RBM47: variants seen among roughly 807,000 people sequenced by gnomAD.
The protein encoded by RBM47 is RNA binding motif protein 47.
RBM47 carries 21 observed loss-of-function variants against 47.1 expected under a neutral mutation model. That is an observed-to-expected ratio of 0.45 (90% CI 0.32 to 0.64). The LOEUF (loss-of-function observed/expected upper bound fraction) is 0.64. Ranked by LOEUF, RBM47 falls within the 30% of genes least tolerant of loss-of-function variation. RBM47 has a pLI of 0.05. For missense variants in RBM47, 708 were observed against 870.9 expected (o/e 0.81, Z 2.35); for synonymous variants, 375 against 361.7 (o/e 1.04, Z -0.42).
intron 1 of RBM47, among the ~76,000 whole-genome samples, chr4:40,609,069 C>T (rs564411771): frequency 6.6e-6 from 1 of 152,284 alleles, no homozygotes; most frequent in South Asian, 2.1e-4. Context: ...TCTCAGCTCA[C>T]TGCAGCTCCG....
At chr4:40,510,508 TA>T (rs559932766) in intron 2 of RBM47, among the ~76,000 whole-genome samples, 155 of 152,234 alleles carry the variant, frequency 1.0e-3, no homozygotes, top group Admixed American at 5.8e-3. Flanking sequence ...GAGGCAAGCA[TA>T]AAACAAATAC....
At chr4:40,613,039 C>T (rs906252389) in intron 1 of RBM47, among the ~76,000 whole-genome samples, 4 of 152,298 alleles carry the variant, frequency 2.6e-5, no homozygotes, top group South Asian at 2.1e-4. Context: ...GCCTGGTACA[C>T]GGAGCTCATT....
In RBM47 at chr4:40,546,618, G is replaced by A. The variant is rs1729061852; in HGVS notation, c.-239-2112C>T. ...CTGCAGTCCAGCTCAGTAATCATTT[G>A]TTCCAAAGTTCTTCCCAATGCAATG... On this transcript the variant is annotated intron_variant, in intron 1 of 6. Coordinates refer to ENST00000295971, the MANE Select transcript of RBM47 (RefSeq NM_001098634.2). Among the ~76,000 whole-genome samples the A allele has an allele frequency of 2.6e-5, 4 of 152,162 alleles. No individual in the cohort carries two copies. The South Asian group carries it at 8.3e-4, about 31-fold the overall frequency.
chr4:40,486,680 G>C (rs754398155), intron 2 of RBM47, among the ~76,000 whole-genome samples: 1 of 152,196 alleles, frequency 6.6e-6, no homozygotes, highest in Non-Finnish European at 1.5e-5. Context: ...AGGATCTTTA[G>C]AGGAAATGGG....
chr4:40,610,956 T>G (rs757270871), intron 1 of RBM47, among the ~76,000 whole-genome samples: 7 of 152,156 alleles, frequency 4.6e-5, no homozygotes, highest in African/African-American at 1.7e-4. Flanking sequence ...TAAGTCCAAT[T>G]AAACCTTTTT....
At chr4:40,463,200 T>C (rs1456139212) in intron 3 of RBM47, among the ~76,000 whole-genome samples, 2 of 152,172 alleles carry the variant, frequency 1.3e-5, no homozygotes, top group African/African-American at 4.8e-5. Flanking sequence ...ATTATACATC[T>C]GCATTACACA....
In RBM47 at chr4:40,601,090, C is replaced by T. The variant is rs74367552; in HGVS notation, c.-240+28306G>A. On this transcript the variant is annotated intron_variant, in intron 1 of 6. Transcript: ENST00000295971. ...ACGGAAATGATGATGTAACCATCAC[C>T]GTAAGAATTCAAGGCCAGGACGGAA... is the stretch of plus-strand genomic sequence containing the variant. Among the ~76,000 whole-genome samples the T allele has an allele frequency of 1.4e-4, 22 of 151,928 alleles. No individual in the cohort carries two copies. In the East Asian group the frequency reaches 3.9e-3, roughly 27 times the overall value.
chr4:40,480,083 T>C (rs1023665184), intron 2 of RBM47, among the ~76,000 whole-genome samples: 8 of 150,910 alleles, frequency 5.3e-5, no homozygotes, highest in African/African-American at 2.0e-4. Context: ...GTTCAAGTGA[T>C]TCTCCTGCCT....
chr4:40,459,631 G>T (rs1452437406), intron 3 of RBM47, among the ~76,000 whole-genome samples: 1 of 152,052 alleles, frequency 6.6e-6, no homozygotes, highest in Non-Finnish European at 1.5e-5. Flanking sequence ...ATAGAACTGG[G>T]TACAAATAGT....
intron 2 of RBM47, among the ~76,000 whole-genome samples, chr4:40,507,546 T>A (rs1724280958): frequency 6.6e-6 from 1 of 152,152 alleles, no homozygotes; most frequent in East Asian, 1.9e-4. Context: ...CCCAACACTT[T>A]GGGAGGCCGA....
Position 40,615,855 on chromosome 4 carries a change from T to G in RBM47, c.-240+13541A>C, listed in dbSNP as rs372529356. Among the ~76,000 whole-genome samples, 3 of 152,280 alleles carry G rather than the reference T, an allele frequency of 2.0e-5. No individual in the cohort carries two copies. The South Asian group carries it at 6.2e-4, about 32-fold the overall frequency. ...TCCTTTTGGAAACTGAACCATCTTATGCAAAACGAATAACCACACCATCTG... is the reference window on the plus strand; with the variant it reads ...TCCTTTTGGAAACTGAACCATCTTAGGCAAAACGAATAACCACACCATCTG... On this transcript the variant is annotated intron_variant, in intron 1 of 6. Coordinates refer to ENST00000295971, the MANE Select transcript of RBM47 (RefSeq NM_001098634.2).
At chr4:40,437,609 G>C (rs1218975520) in intron 4 of RBM47, among the ~76,000 whole-genome samples, 162 bp downstream of exon 4, 1 of 152,164 alleles carries the variant, frequency 6.6e-6, no homozygotes, top group African/African-American at 2.4e-5. Flanking sequence ...ACGGCCTTCG[G>C]TGCCAGGAAA....
intron 2 of RBM47, among the ~76,000 whole-genome samples, chr4:40,542,012 T>C (rs1416793861): frequency 6.6e-6 from 1 of 152,172 alleles, no homozygotes; most frequent in African/African-American, 2.4e-5. Context: ...AACCACCTCT[T>C]ACTAGAAGCT....
At chr4:40,619,935 C>T (rs1240419124) in intron 1 of RBM47, among the ~76,000 whole-genome samples, 4 of 152,166 alleles carry the variant, frequency 2.6e-5, no homozygotes, top group East Asian at 1.9e-4. Context: ...CGGTGTCTCA[C>T]GCCTGTAATC....
intron 2 of RBM47, among the ~76,000 whole-genome samples, chr4:40,532,640 T>A (rs1489045376): frequency 7.1e-6 from 1 of 141,332 alleles, no homozygotes; most frequent in East Asian, 2.0e-4. Flanking sequence ...TCTTTTTCCT[T>A]TTTTTTTTCT....
intron 2 of RBM47, among the ~76,000 whole-genome samples, chr4:40,509,634 C>CA (rs1324488335): frequency 2.0e-5 from 3 of 152,086 alleles, no homozygotes; most frequent in Non-Finnish European, 4.4e-5. Flanking sequence ...GTAATCCCAG[C>CA]ACTTTGGGAG....
At chr4:40,605,582 G>C (rs1434237087) in intron 1 of RBM47, among the ~76,000 whole-genome samples, 1 of 151,964 alleles carries the variant, frequency 6.6e-6, no homozygotes, top group Non-Finnish European at 1.5e-5. Context: ...TGTAATCTTA[G>C]CACTTTGAGA....
intron 1 of RBM47, among the ~76,000 whole-genome samples, chr4:40,571,757 C>T (rs979722315): frequency 1.3e-5 from 2 of 151,844 alleles, no homozygotes; most frequent in South Asian, 4.1e-4. Context: ...CGGTGGCTCA[C>T]GCCTGTAATC....
intron 3 of RBM47, among the ~76,000 whole-genome samples, chr4:40,454,290 C>T (rs1477135361): frequency 6.6e-6 from 1 of 152,176 alleles, no homozygotes; most frequent in Non-Finnish European, 1.5e-5. Context: ...CTGTGTGACA[C>T]ATTGGTAAAC....
Sources: gnomAD v4.1 joint callset for allele counts (sites outside exome capture counted in the v4.1 genomes callset) on GRCh38, gnomAD v4.1.1 for gene constraint, MANE v1.5 for transcripts, NCBI Gene and HGNC (gene_info 2026-07-23, HGNC 2026-07-21) for gene names.